FAM178B: variants seen among roughly 807,000 people sequenced by gnomAD.
FAM178B encodes the protein protein FAM178B.
In FAM178B, 82 loss-of-function variants were observed where a neutral mutation model predicts 91.7. The observed-to-expected ratio is 0.89, with a 90% CI of 0.75 to 1.07. The LOEUF is 1.07. Ranked by LOEUF, FAM178B falls within the 50% of genes least tolerant of loss-of-function variation. FAM178B has a pLI of 0.00. For missense variants in FAM178B, 769 were observed against 846.7 expected, an observed-to-expected ratio of 0.91 and a Z score of 1.14; for synonymous variants, 368 against 359.4, an observed-to-expected ratio of 1.02 and a Z score of -0.27.
At chr2:96,931,839 A>G (rs544576577) in intron 8 of FAM178B, among the ~76,000 whole-genome samples, 16 of 151,570 alleles carry the variant, frequency 1.1e-4, no homozygotes, top group African/African-American at 3.9e-4. Context: ...GAGGAGGAAA[A>G]ACTTTCTTGT....
chr2:96,970,105 AC>A (rs1371786806), intron 4 of FAM178B, among the ~76,000 whole-genome samples: 2 of 151,912 alleles, frequency 1.3e-5, no homozygotes, highest in African/African-American at 4.8e-5. Context: ...CATGAAGACG[AC>A]CCCTGTCTGT....
chr2:96,905,818 G>GTGTGTATATATA (rs1260782317), intron 12 of FAM178B, among the ~76,000 whole-genome samples: 2 of 34,198 alleles, frequency 5.8e-5, no homozygotes, highest in South Asian at 1.4e-3. Context: ...ATATATGTGT[G>GTGTGTATATATA]TATATATATA....
In FAM178B at chr2:96,921,223, G is replaced by A. The variant is rs1166806287; in HGVS notation, c.1504C>T (p.His502Tyr). The A allele has an allele frequency of 3.2e-6, 5 of 1,551,446 alleles. No individual in the cohort carries two copies. Among genetic ancestry groups the A allele is most frequent in the Non-Finnish European group, 4.4e-6 (5 of 1,146,984 alleles). The part of the protein sequence containing the change: ...LCCTLSWVSD[H>Y]HHNLLALVQF... ...ACGAGGGCCAGCAGGTTGTGGTGGTGGTCAGACACCCAGCTCAGGGTGCAG... is the reference window on the plus strand; with the variant it reads ...ACGAGGGCCAGCAGGTTGTGGTGGTAGTCAGACACCCAGCTCAGGGTGCAG... Residue 502 changes from histidine to tyrosine, a missense_variant, in exon 12 of 17, where the codon CAC (histidine) becomes TAC (tyrosine). Coordinates refer to ENST00000490605, the MANE Select transcript of FAM178B (RefSeq NM_001122646.3).
intron 4 of FAM178B, among the ~76,000 whole-genome samples, chr2:96,969,201 C>T (rs2082185076): frequency 6.6e-6 from 1 of 152,218 alleles, no homozygotes; most frequent in Non-Finnish European, 1.5e-5. Context: ...CAGCACACAG[C>T]GTCCTATGGA....
At chr2:96,969,125 T>C (rs1398938580) in intron 4 of FAM178B, among the ~76,000 whole-genome samples, 1 of 152,208 alleles carries the variant, frequency 6.6e-6, no homozygotes, top group Admixed American at 6.5e-5. Context: ...ATGAGATCAT[T>C]ATGCTAAATT....
chr2:96,905,845 TATATATATATATATA>T (rs1246994354), intron 12 of FAM178B, among the ~76,000 whole-genome samples: 17 of 27,850 alleles, frequency 6.1e-4, no homozygotes, highest in African/African-American at 1.5e-3. Flanking sequence ...TATATATATA[TATATATATATATATA>T]TTTTTTTTTT....
At chr2:96,923,065 GTCAGGCAAT>G (rs1433284846) in intron 10 of FAM178B, among the ~76,000 whole-genome samples, 1 of 152,122 alleles carries the variant, frequency 6.6e-6, no homozygotes, top group African/African-American at 2.4e-5. Context: ...GCCTCTCAGG[GTCAGGCAAT>G]TCTCCTGTCT....
At chr2:96,905,832 ATATATATATATATATATATATATATATAT>A (rs2081026455) in intron 12 of FAM178B, among the ~76,000 whole-genome samples, 6 of 25,838 alleles carry the variant, frequency 2.3e-4, no homozygotes, top group Non-Finnish European at 3.3e-4. Flanking sequence ...ATATATATAT[ATATATATATATATATATATATATATATAT>A]TTTTTTTTTT....
chr2:96,912,099 G>C (rs2081168499), intron 12 of FAM178B, among the ~76,000 whole-genome samples: 1 of 152,106 alleles, frequency 6.6e-6, no homozygotes, highest in Admixed American at 6.5e-5. Flanking sequence ...AGGATGCAGG[G>C]AATTTATGCG....
intron 1 of FAM178B, chr2:96,977,956 A>AGGGGGGGGGGGGGGGG: frequency 2.3e-5 from 8 of 349,150 alleles, no homozygotes; most frequent in South Asian, 9.3e-5. Context: ...CGGGCGGGGG[A>AGGGGGGGGGGGGGGGG]GGGGGGCGAC....
chr2:96,918,537 T>G lies in FAM178B; in HGVS notation c.1562+2628A>C, dbSNP rs79406737. 4.4e-3 allele frequency among the ~76,000 whole-genome samples: 663 copies of G among 152,350 alleles called. 19 individuals carry two copies. In the East Asian group the frequency reaches 0.06, roughly 14 times the overall value. ...GTATTAATGAGAATGCAGAAAAATA[T>G]GCACTTTCATACCTATTTGGTGGTG... On this transcript the variant is annotated intron_variant, in intron 12 of 16. Transcript: ENST00000490605.
Position 96,899,704 on chromosome 2 carries a change from G to C in FAM178B, c.1650+2916C>G, listed in dbSNP as rs548879676. On this transcript the variant is annotated intron_variant, in intron 13 of 16. Transcript: ENST00000490605. ...TCAGCATCCCCACCCCAAGTAGCTG[G>C]AACTAGAGGCACATGCCACCATGTC... is the stretch of plus-strand genomic sequence containing the variant. Among the ~76,000 whole-genome samples the C allele has an allele frequency of 5.5e-4, 83 of 152,076 alleles. 1 individual carries two copies. The South Asian group carries it at 0.017, about 31-fold the overall frequency.
intron 6 of FAM178B, among the ~76,000 whole-genome samples, chr2:96,952,787 G>T (rs1289487802): frequency 1.3e-5 from 2 of 152,052 alleles, no homozygotes; most frequent in East Asian, 3.9e-4. Context: ...ACGTCCCAAA[G>T]ATCATTAACA....
intron 1 of FAM178B, among the ~76,000 whole-genome samples, chr2:96,981,207 C>A (rs1055433703): frequency 1.3e-5 from 2 of 152,096 alleles, no homozygotes; most frequent in African/African-American, 4.8e-5. Context: ...CTCAAGGGAT[C>A]CACCCACCTC....
chr2:96,924,123 T>C (rs1022387014), intron 9 of FAM178B, among the ~76,000 whole-genome samples: 7 of 152,182 alleles, frequency 4.6e-5, no homozygotes, highest in African/African-American at 1.7e-4. Context: ...GGGGGGCTCC[T>C]TGGGGACTGG....
intron 7 of FAM178B, among the ~76,000 whole-genome samples, chr2:96,948,522 C>A (rs938730765): frequency 6.6e-6 from 1 of 152,142 alleles, no homozygotes; most frequent in Non-Finnish European, 1.5e-5. Flanking sequence ...GAGAGGCTGA[C>A]AAGGGAATAA....
At chr2:96,937,799 G>C (rs556093168) in intron 8 of FAM178B, among the ~76,000 whole-genome samples, 100 of 152,320 alleles carry the variant, frequency 6.6e-4, no homozygotes, top group South Asian at 2.5e-3. Context: ...GCCCAGGCAG[G>C]CAGATCGCTT....
At chr2:96,934,248 G>A (rs574321512) in intron 8 of FAM178B, among the ~76,000 whole-genome samples, 1 of 152,196 alleles carries the variant, frequency 6.6e-6, no homozygotes, top group Non-Finnish European at 1.5e-5. Flanking sequence ...GGTGGTCAGG[G>A]GACGCTGGAG....
chr2:96,961,172 T>G (rs2082075538), intron 5 of FAM178B, among the ~76,000 whole-genome samples: 1 of 152,054 alleles, frequency 6.6e-6, no homozygotes. Flanking sequence ...GTGAAAACTG[T>G]CAGGACTTAA....
Sources: gnomAD v4.1 joint callset for allele counts (sites outside exome capture counted in the v4.1 genomes callset) on GRCh38, gnomAD v4.1.1 for gene constraint, MANE v1.5 for transcripts, NCBI Gene and HGNC (gene_info 2026-07-23, HGNC 2026-07-21) for gene names.